The following SHISA9 variants were observed in gnomAD, a reference collection of about 807,000 sequenced individuals.
The protein encoded by SHISA9 is shisa family member 9, also known as protein shisa-9.
A neutral mutation model predicts 38.0 loss-of-function variants in SHISA9; 13 were observed. The observed-to-expected ratio is 0.34, with a 90% CI of 0.22 to 0.54. The LOEUF is 0.54. Among genes scored for constraint, SHISA9 ranks in the 20% least tolerant of loss-of-function variants. The pLI is 0.91. For missense variants in SHISA9, 538 were observed against 575.8 expected (o/e 0.93, Z 0.67); for synonymous variants, 275 against 242.0 (o/e 1.14, Z -1.27).
At position 13,019,868 on chromosome 16, in the gene SHISA9, C is replaced by T. The variant is rs184705627; in HGVS notation, c.691+103053C>T. On this transcript the variant is annotated intron_variant, in intron 2 of 4. Coordinates refer to ENST00000558583, the MANE Select transcript of SHISA9 (RefSeq NM_001145204.3). The stretch of plus-strand genomic sequence containing the variant: ...CTTCCCTCCCTCCCTCCCTCCCTCC[C>T]TCCCTCCCTCCCTCCCTTCTTTCTT... Among the ~76,000 whole-genome samples the T allele has an allele frequency of 6.4e-3, 215 of 33,806 alleles. 3 individuals are homozygous for T. Among genetic ancestry groups the T allele is most frequent in the East Asian group, 9.2e-3 (5 of 546 alleles). 22.2% of individuals were successfully genotyped at this position (33,806 alleles called of 152,430 possible).
At chr16:13,179,732 C>T (rs2050761544) in intron 2 of SHISA9, among the ~76,000 whole-genome samples, 1 of 152,146 alleles carries the variant, frequency 6.6e-6, no homozygotes, top group East Asian at 1.9e-4. Flanking sequence ...TGTGGAAATC[C>T]AAGAATCTAT....
At chr16:13,462,846 T>C in the SHISA9 span, among the ~76,000 whole-genome samples, 1 of 151,716 alleles carries the variant, frequency 6.6e-6, no homozygotes, top group Non-Finnish European at 1.5e-5. Flanking sequence ...CCAGTAATCC[T>C]AGCTACTCAG....
chr16:12,916,011 GTTTTTTT>G (rs34050190), intron 1 of SHISA9, among the ~76,000 whole-genome samples: 8 of 90,432 alleles, frequency 8.8e-5, no homozygotes, highest in African/African-American at 3.4e-4. Context: ...GTGTGTGTGT[GTTTTTTT>G]TTTTTTTTTT....
At chr16:13,017,010 GTTTCTTTTTTC>G (rs2072765495) in intron 2 of SHISA9, among the ~76,000 whole-genome samples, 1 of 150,530 alleles carries the variant, frequency 6.6e-6, no homozygotes, top group Non-Finnish European at 1.5e-5. Context: ...CTTCTTTTTT[GTTTCTTTTTTC>G]TTTCTTTTTT....
At chr16:13,549,219 G>A in the SHISA9 span, among the ~76,000 whole-genome samples, 2 of 152,096 alleles carry the variant, frequency 1.3e-5, no homozygotes, top group East Asian at 3.8e-4. Context: ...GGGAGTGTAG[G>A]AGGTTAGGGA....
chr16:13,298,699 C>T, the SHISA9 span, among the ~76,000 whole-genome samples: 1 of 152,148 alleles, frequency 6.6e-6, no homozygotes, highest in Admixed American at 6.5e-5. Flanking sequence ...CAGAGTTCGC[C>T]CTGTCAAAGC....
the SHISA9 span, among the ~76,000 whole-genome samples, chr16:13,373,618 C>T: frequency 2.0e-5 from 3 of 152,016 alleles, no homozygotes. Flanking sequence ...AAAAATCAGC[C>T]GGGCATGGTA....
At chr16:13,094,958 C>T (rs922602253) in intron 2 of SHISA9, among the ~76,000 whole-genome samples, 2 of 152,188 alleles carry the variant, frequency 1.3e-5, no homozygotes, top group Non-Finnish European at 2.9e-5. Flanking sequence ...GCCTAGCAAA[C>T]AGTAGGTCCT....
At chr16:13,467,407 A>G in the SHISA9 span, among the ~76,000 whole-genome samples, 38 of 152,274 alleles carry the variant, frequency 2.5e-4, no homozygotes, top group African/African-American at 8.4e-4. Context: ...GCCTGGCACT[A>G]GCCACCTCCT....
At chr16:13,313,897 A>G in the SHISA9 span, among the ~76,000 whole-genome samples, 3 of 152,218 alleles carry the variant, frequency 2.0e-5, no homozygotes, top group African/African-American at 7.2e-5. Flanking sequence ...TTATAATGCC[A>G]AAAGAAATTA....
intron 2 of SHISA9, among the ~76,000 whole-genome samples, chr16:13,015,986 C>CTTCCCTTCCCTTCCCTTCCCTTCTT (rs2072751998): frequency 2.9e-5 from 1 of 35,060 alleles, no homozygotes; most frequent in African/African-American, 1.1e-4. Flanking sequence ...CTTCCCTTCC[C>CTTCCCTTCCCTTCCCTTCCCTTCTT]TTCTTTTCTT....
chr16:13,426,261 C>T, the SHISA9 span, among the ~76,000 whole-genome samples: 11 of 152,186 alleles, frequency 7.2e-5, no homozygotes, highest in African/African-American at 2.7e-4. Context: ...ATTCTCACAA[C>T]AATTTTATGA....
the SHISA9 span, among the ~76,000 whole-genome samples, chr16:13,298,580 C>G: frequency 6.6e-6 from 1 of 152,122 alleles, no homozygotes; most frequent in African/African-American, 2.4e-5. Context: ...GATCACCAAG[C>G]TGGTAAGTGC....
the SHISA9 span, among the ~76,000 whole-genome samples, chr16:13,304,089 C>CT: frequency 1.2e-3 from 187 of 152,266 alleles, no homozygotes; most frequent in African/African-American, 3.9e-3. Flanking sequence ...TATACTACAG[C>CT]TTTTTTGTTT....
At chr16:13,458,434 C>T in the SHISA9 span, 7 of 387,738 alleles carry the variant, frequency 1.8e-5, no homozygotes, top group South Asian at 1.2e-4. Flanking sequence ...TACTGAAAAC[C>T]TTCAGTCTCA....
At chr16:13,535,065 T>TA in the SHISA9 span, among the ~76,000 whole-genome samples, 2 of 151,996 alleles carry the variant, frequency 1.3e-5, no homozygotes, top group African/African-American at 4.8e-5. Context: ...ACCAACATGG[T>TA]AAAACCCCCC....
At chr16:13,144,372 C>T (rs939854611) in intron 2 of SHISA9, among the ~76,000 whole-genome samples, 1 of 151,928 alleles carries the variant, frequency 6.6e-6, no homozygotes, top group African/African-American at 2.4e-5. Context: ...AGGATGGTCT[C>T]AATCTCTTGG....
rs77553497 is a variant in SHISA9, at chr16:13,145,815, C to T, written c.692-57579C>T. Among the ~76,000 whole-genome samples, 1,431 of 152,270 alleles carry T rather than the reference C, an allele frequency of 9.4e-3. 15 individuals carry two copies. Among genetic ancestry groups the T allele is most frequent in the African/African-American group, 0.028 (1,144 of 41,556 alleles). ...ACTGTGTGCCAGGCATTGTTCTAAA[C>T]CCTGAAGTTACATCAGTAAACAAAA... On this transcript the variant is annotated intron_variant, in intron 2 of 4. Transcript: ENST00000558583.
chr16:13,135,075 T>G (rs973545859), intron 2 of SHISA9, among the ~76,000 whole-genome samples: 1 of 152,212 alleles, frequency 6.6e-6, no homozygotes, highest in Non-Finnish European at 1.5e-5. Flanking sequence ...TTGCTGTCAA[T>G]TCATTAGCTA....
Sources: allele counts gnomAD v4.1 joint callset (sites outside exome capture counted in the v4.1 genomes callset), GRCh38; gene constraint gnomAD v4.1.1; transcripts MANE v1.5; gene names NCBI Gene and HGNC (gene_info 2026-07-23, HGNC 2026-07-21).